PRKRA: variants seen among roughly 807,000 people sequenced by gnomAD.
PRKRA encodes interferon-inducible double-stranded RNA-dependent protein kinase activator A.
In PRKRA, 22 loss-of-function variants were observed where a neutral mutation model predicts 32.4. That is an observed-to-expected ratio of 0.68 (90% CI 0.49 to 0.97). The LOEUF (loss-of-function observed/expected upper bound fraction) is 0.97, where lower values mean the gene tolerates loss of function less well. Ranked by LOEUF, PRKRA falls within the 50% of genes least tolerant of loss-of-function variation. The pLI is 0.00. For synonymous variants in PRKRA, 139 were observed against 129.8 expected (o/e 1.07, Z -0.48); for missense variants, 319 against 375.6 (o/e 0.85, Z 1.25).
chr2:178,447,359 T>G (rs1319297606), intron 3 of PRKRA, 146 bp downstream of exon 3: 1 of 1,392,528 alleles, frequency 7.2e-7, no homozygotes, highest in Non-Finnish European at 9.8e-7. Context: ...CTTTAATGGA[T>G]GATAAGTTTT....
Position 178,451,136 on chromosome 2 carries a change from C to G in PRKRA, c.-106G>C. ...AGGAGCTCCAGCGCCGCCACCTCCT[C>G]CGACTCCCCCGCCTCCTGCTTGCGT... On this transcript the variant is annotated 5_prime_UTR_variant, in exon 1 of 8. Transcript: ENST00000325748. 1 of 1,309,184 alleles carries G rather than the reference C, an allele frequency of 7.6e-7. No individual in the cohort carries two copies. Among genetic ancestry groups the G allele is most frequent in the Non-Finnish European group, 1.0e-6 (1 of 967,440 alleles). 81.1% of individuals were successfully genotyped at this position (1,309,184 alleles called of 1,614,324 possible). A position where few individuals can be genotyped will look rare whatever the true frequency, so the allele number is the denominator to read the frequency against.
intron 6 of PRKRA, among the ~76,000 whole-genome samples, chr2:178,437,136 T>A (rs1280551122): frequency 1.3e-5 from 2 of 152,168 alleles, no homozygotes; most frequent in East Asian, 3.8e-4. Context: ...AGAGATGGCA[T>A]GATATGGAAT....
rs970570003 is a variant in PRKRA at position 178,451,059 on chromosome 2, G to C, written c.-29C>G. The C allele has an allele frequency of 1.9e-5, 29 of 1,551,246 alleles. No individual in the cohort carries two copies. The highest frequency in any genetic ancestry group is 2.4e-5 in the Non-Finnish European group (28 of 1,153,694). ...GAGAAGGGACGGCTCAGCGGCTGGAGGAAGAGCGGTGCGGAGCGACGTGCT... is the reference window on the plus strand; with the variant it reads ...GAGAAGGGACGGCTCAGCGGCTGGACGAAGAGCGGTGCGGAGCGACGTGCT... On this transcript the variant is annotated 5_prime_UTR_variant, in exon 1 of 8. Coordinates refer to ENST00000325748, the MANE Select transcript of PRKRA (RefSeq NM_003690.5).
At chr2:178,449,970 G>C (rs1697489480) in intron 2 of PRKRA, 3 of 537,280 alleles carry the variant, frequency 5.6e-6, no homozygotes, top group Admixed American at 3.1e-5. Flanking sequence ...ACCCTAGGAG[G>C]ATCCTAGGGT....
intron 5 of PRKRA, among the ~76,000 whole-genome samples, chr2:178,442,659 A>G (rs753599995): frequency 7.2e-5 from 11 of 152,228 alleles, no homozygotes; most frequent in Admixed American, 5.9e-4. Flanking sequence ...GTTTCTTATT[A>G]CTTGAAACTA....
chr2:178,441,112 T>C (rs564602709), intron 6 of PRKRA, among the ~76,000 whole-genome samples: 1 of 152,338 alleles, frequency 6.6e-6, no homozygotes, highest in East Asian at 1.9e-4. Flanking sequence ...TCTCCAAACC[T>C]GTTTTTGTTG....
chr2:178,450,477 C>T, intron 1 of PRKRA, 66 bp from the exon 2 acceptor site: 1 of 1,575,058 alleles, frequency 6.3e-7, no homozygotes, highest in Non-Finnish European at 8.6e-7. Flanking sequence ...AGCGTAGAGG[C>T]CAGTTTTAAC....
At chr2:178,442,073 C>G (rs1015025566) in intron 5 of PRKRA, among the ~76,000 whole-genome samples, 2 of 151,880 alleles carry the variant, frequency 1.3e-5, no homozygotes, top group African/African-American at 2.4e-5. Context: ...TTAGTACAGA[C>G]AGGGTTTTGC....
At chr2:178,444,677 C>CATTT (rs1697250780) in intron 3 of PRKRA, among the ~76,000 whole-genome samples, 177 bp from the exon 4 acceptor site, 1 of 152,168 alleles carries the variant, frequency 6.6e-6, no homozygotes, top group Non-Finnish European at 1.5e-5. Context: ...AGATATATCT[C>CATTT]AAATGTCACT....
intron 7 of PRKRA, 92 bp downstream of exon 7, chr2:178,436,053 T>C (rs1405052311): frequency 5.6e-6 from 5 of 888,596 alleles, no homozygotes; most frequent in Non-Finnish European, 7.8e-6. Flanking sequence ...TAAATTGTAA[T>C]AGAAATTTTT....
chr2:178,446,091 T>C (rs1697304718), intron 3 of PRKRA, among the ~76,000 whole-genome samples: 1 of 151,908 alleles, frequency 6.6e-6, no homozygotes, highest in Non-Finnish European at 1.5e-5. Context: ...CTTAGCTTAC[T>C]GCAATCTCCG....
chr2:178,450,586 G>A, intron 1 of PRKRA, 175 bp from the exon 2 acceptor site: 1 of 1,496,170 alleles, frequency 6.7e-7, no homozygotes, highest in South Asian at 1.3e-5. Flanking sequence ...CGCTGCGGCA[G>A]TCACTCCGCA....
chr2:178,435,888 T>G (rs1696871892), intron 7 of PRKRA, among the ~76,000 whole-genome samples: 1 of 152,234 alleles, frequency 6.6e-6, no homozygotes, highest in African/African-American at 2.4e-5. Context: ...TAGAACAGTG[T>G]CTGGCACACA....
intron 6 of PRKRA, among the ~76,000 whole-genome samples, chr2:178,440,561 A>C (rs1475830863): frequency 6.6e-6 from 1 of 152,204 alleles, no homozygotes; most frequent in Non-Finnish European, 1.5e-5. Flanking sequence ...GCTATTGCCA[A>C]GTTTAAAATA....
At chr2:178,435,745 G>A (rs1362698028) in intron 7 of PRKRA, among the ~76,000 whole-genome samples, 1 of 152,150 alleles carries the variant, frequency 6.6e-6, no homozygotes, top group African/African-American at 2.4e-5. Flanking sequence ...TTGCTCTACC[G>A]CTGACTAGCT....
chr2:178,431,931 G>A lies in PRKRA; in HGVS notation c.*166C>T, dbSNP rs1696669721. ...GATACAAAGTTGAAGCCATTAAAAA[G>A]AGCTTAATAACAACTATGAGGAGAT... is the stretch of plus-strand genomic sequence containing the variant. On this transcript the variant is annotated 3_prime_UTR_variant, in exon 8 of 8. Transcript: ENST00000325748. The A allele has an allele frequency of 2.4e-6, 2 of 844,088 alleles. No homozygotes were observed. The highest frequency in any genetic ancestry group is 3.7e-6 in the Non-Finnish European group (2 of 542,618). 52.3% of individuals were successfully genotyped at this position (844,088 alleles called of 1,614,324 possible).
At chr2:178,447,666 C>T (rs1305343854) in intron 2 of PRKRA, 80 bp from the exon 3 acceptor site, 12 of 1,232,038 alleles carry the variant, frequency 9.7e-6, no homozygotes, top group Admixed American at 2.5e-5. Context: ...ATACACAAAA[C>T]AAAGTCACTA....
intron 1 of PRKRA, 71 bp downstream of exon 1, chr2:178,450,895 C>T: frequency 3.2e-6 from 4 of 1,237,734 alleles, no homozygotes; most frequent in South Asian, 3.3e-5. Flanking sequence ...CTCTGGAGGG[C>T]CGGCTCCCCG....
intron 6 of PRKRA, among the ~76,000 whole-genome samples, chr2:178,438,374 CTG>C (rs1696986280): frequency 6.6e-6 from 1 of 152,254 alleles, no homozygotes; most frequent in Non-Finnish European, 1.5e-5. Flanking sequence ...TGGATGTAAA[CTG>C]TTTCTACATC....
Sources: allele counts gnomAD v4.1 joint callset (sites outside exome capture counted in the v4.1 genomes callset), GRCh38; gene constraint gnomAD v4.1.1; transcripts MANE v1.5; gene names NCBI Gene and HGNC (gene_info 2026-07-23, HGNC 2026-07-21).